RXFP1: variants seen among roughly 807,000 people sequenced by gnomAD.
RXFP1 encodes relaxin family peptide receptor 1.
Under a neutral mutation model 89.8 loss-of-function variants are expected in RXFP1, and 73 were observed. That is an observed-to-expected ratio of 0.81 (90% CI 0.67 to 0.99). The LOEUF is 0.99. RXFP1 is among the 50% of genes least tolerant of loss of function. The probability of loss-of-function intolerance (pLI) is 0.00; values close to 1 mark genes in which losing one functional copy is unlikely to be tolerated. For synonymous variants in RXFP1, 277 were observed against 305.5 expected (o/e 0.91, Z 0.97); for missense variants, 793 against 895.5 (o/e 0.89, Z 1.46).
intron 1 of RXFP1, among the ~76,000 whole-genome samples, chr4:158,549,524 G>A (rs74623094): frequency 5.0e-4 from 76 of 152,218 alleles, no homozygotes; most frequent in South Asian, 2.3e-3. Flanking sequence ...GAGGAGAGGC[G>A]CTCTGCTTTT....
At position 158,612,207 on chromosome 4, in the gene RXFP1, T is replaced by C. The variant is rs73860545; in HGVS notation, c.608+6T>C. 3.5e-4 allele frequency: 568 copies of C among 1,610,240 alleles called. 1 individual carries two copies. In the African/African-American group the frequency reaches 6.4e-3, roughly 18 times the overall value. ...CTTCACAGACTAGAATGGCTGTATG[T>C]TTAATTTATGTGGCATTTTATTGCA... On this transcript the variant is annotated splice_donor_region_variant and intron_variant, in intron 7 of 17. Transcript: ENST00000307765.
intron 9 of RXFP1, 47 bp downstream of exon 9, chr4:158,617,252 T>A (rs1764765504): frequency 7.4e-7 from 1 of 1,349,678 alleles, no homozygotes; most frequent in Non-Finnish European, 1.1e-6. Flanking sequence ...AATTTTCTGT[T>A]TTTACCTAAT....
At chr4:158,532,354 A>G (rs550401688) in intron 1 of RXFP1, among the ~76,000 whole-genome samples, 3 of 152,078 alleles carry the variant, frequency 2.0e-5, no homozygotes, top group South Asian at 4.2e-4. Context: ...GATGGATTCC[A>G]TGTCTTTGCT....
intron 8 of RXFP1, among the ~76,000 whole-genome samples, chr4:158,613,780 A>G (rs1763999157): frequency 1.3e-5 from 2 of 152,188 alleles, no homozygotes; most frequent in African/African-American, 4.8e-5. Context: ...ATGAATCACA[A>G]ATGTTCTTAA....
At chr4:158,583,743 G>A (rs558592522) in intron 2 of RXFP1, among the ~76,000 whole-genome samples, 1 of 152,090 alleles carries the variant, frequency 6.6e-6, no homozygotes, top group Non-Finnish European at 1.5e-5. Context: ...ACTATGTATG[G>A]CTTACCACCA....
intron 9 of RXFP1, among the ~76,000 whole-genome samples, chr4:158,626,117 TAG>T (rs1229197013): frequency 3.7e-4 from 20 of 54,088 alleles, no homozygotes; most frequent in African/African-American, 9.1e-4. Flanking sequence ...TCTATATAGA[TAG>T]ATAGATAGAT....
At chr4:158,630,652 A>T (rs1420616488) in intron 11 of RXFP1, among the ~76,000 whole-genome samples, 1 of 152,202 alleles carries the variant, frequency 6.6e-6, no homozygotes, top group African/African-American at 2.4e-5. Flanking sequence ...CAAACTGCAG[A>T]GGGTGACCAA....
intron 1 of RXFP1, among the ~76,000 whole-genome samples, chr4:158,554,270 ACGT>A (rs1750780472): frequency 6.6e-6 from 1 of 152,160 alleles, no homozygotes; most frequent in African/African-American, 2.4e-5. Context: ...TCTGTAAATA[ACGT>A]CAGAGTTTTT....
intron 1 of RXFP1, among the ~76,000 whole-genome samples, chr4:158,527,311 G>A (rs1742759012): frequency 6.6e-6 from 1 of 152,030 alleles, no homozygotes; most frequent in South Asian, 2.1e-4. Flanking sequence ...GGGAGGCCGA[G>A]GCAGGAGGAT....
chr4:158,626,193 T>C (rs886559651), intron 9 of RXFP1, among the ~76,000 whole-genome samples: 3 of 151,656 alleles, frequency 2.0e-5, no homozygotes, highest in African/African-American at 4.9e-5. Flanking sequence ...GATAGAGATA[T>C]ATGCAGCTCT....
Position 158,648,555 on chromosome 4 carries a change from A to G in RXFP1, c.1813A>G (p.Ser605Gly), listed in dbSNP as rs1188097306. 4 of 1,612,860 alleles carry G rather than the reference A, an allele frequency of 2.5e-6. No individual in the cohort carries two copies. Among genetic ancestry groups the G allele is most frequent in the African/African-American group, 2.7e-5 (2 of 74,896 alleles). ...TTTTTCCTATGGAAGCATGTTTTAT[A>G]GTGTTCATCAAAGTGCCATAACAGC... ...IVFSYGSMFYSVHQSAITATE... is the reference protein window; with the variant it reads ...IVFSYGSMFYGVHQSAITATE... Residue 605 changes from serine (S) to glycine (G), a missense_variant, in exon 17 of 18, where the codon AGT becomes GGT. Physicochemically the swap from Ser to Gly is moderately conservative, Grantham distance 56. Coordinates refer to ENST00000307765, the MANE Select transcript of RXFP1 (RefSeq NM_021634.4).
rs746268658 is a variant in RXFP1 at position 158,628,698 on chromosome 4, A to AAG, written c.888_889insAG (p.Leu297SerfsTer7). ...AAAATACTTTTGCACCTCTCCAGAAACTGGATGAATTGTAAGTATGACTGA... is the reference window on the plus strand; with the variant it reads ...AAAATACTTTTGCACCTCTCCAGAAAAGCTGGATGAATTGTAAGTATGACTGA... On this transcript the variant is annotated frameshift_variant, in exon 11 of 18. Coordinates refer to ENST00000307765, the MANE Select transcript of RXFP1 (RefSeq NM_021634.4). LOFTEE classifies it high-confidence loss of function. The AAG allele has an allele frequency of 2.5e-6, 4 of 1,569,944 alleles. No homozygotes were observed. Among genetic ancestry groups the AAG allele is most frequent in the Non-Finnish European group, 3.5e-6 (4 of 1,143,464 alleles).
intron 9 of RXFP1, 32 bp from the exon 10 acceptor site, chr4:158,626,788 T>C (rs1462360034): frequency 1.5e-6 from 2 of 1,291,138 alleles, no homozygotes; most frequent in Non-Finnish European, 2.2e-6. Context: ...ATGATTAAGA[T>C]TTAGCTGTAT....
At chr4:158,538,046 C>T (rs1239341563) in intron 1 of RXFP1, among the ~76,000 whole-genome samples, 1 of 152,144 alleles carries the variant, frequency 6.6e-6, no homozygotes, top group Non-Finnish European at 1.5e-5. Context: ...CCAAACCTAG[C>T]ACATCAAGAG....
intron 1 of RXFP1, among the ~76,000 whole-genome samples, chr4:158,529,419 C>T (rs554764444): frequency 1.3e-5 from 2 of 151,972 alleles, no homozygotes; most frequent in East Asian, 1.9e-4. Flanking sequence ...CCACCACGCC[C>T]GGCTAATTTT....
chr4:158,628,556 G>T, intron 10 of RXFP1, 82 bp from the exon 11 acceptor site: 2 of 597,338 alleles, frequency 3.3e-6, no homozygotes, highest in Non-Finnish European at 6.0e-6. Flanking sequence ...CATTATCTTT[G>T]TTTCTGCATA....
intron 9 of RXFP1, among the ~76,000 whole-genome samples, chr4:158,624,753 A>G (rs1766364819): frequency 6.6e-6 from 1 of 152,160 alleles, no homozygotes; most frequent in Admixed American, 6.5e-5. Context: ...AACTTTAGGA[A>G]GAAAATATAC....
chr4:158,585,411 C>G (rs1190710668), intron 2 of RXFP1, among the ~76,000 whole-genome samples: 1 of 152,146 alleles, frequency 6.6e-6, no homozygotes, highest in African/African-American at 2.4e-5. Context: ...TTTCCTGTCC[C>G]CAATCAAATC....
At chr4:158,525,854 T>A (rs887693391) in intron 1 of RXFP1, among the ~76,000 whole-genome samples, 3 of 152,222 alleles carry the variant, frequency 2.0e-5, no homozygotes, top group African/African-American at 7.2e-5. Flanking sequence ...CAAAGGAGAT[T>A]TGAATCCAAG....
Sources: allele counts gnomAD v4.1 joint callset (sites outside exome capture counted in the v4.1 genomes callset), GRCh38; gene constraint gnomAD v4.1.1; transcripts MANE v1.5; gene names NCBI Gene and HGNC (gene_info 2026-07-23, HGNC 2026-07-21).